The following CSMD1 variants were observed in gnomAD, a reference collection of about 807,000 sequenced individuals.
CSMD1 encodes CUB and Sushi multiple domains 1, also known as CUB and sushi domain-containing protein 1.
A neutral mutation model predicts 417.5 loss-of-function variants in CSMD1; 213 were observed. The ratio of observed to expected loss-of-function variants is 0.51; its 90% CI spans 0.46 to 0.57. CSMD1 has a LOEUF of 0.57. CSMD1 is among the 20% of genes least tolerant of loss of function. The pLI, the probability that CSMD1 is intolerant of heterozygous loss-of-function variation, is 0.00. For missense variants in CSMD1, 6,923 were observed against 4,529.7 expected, an observed-to-expected ratio of 1.53 and a Z score of -15.17; for synonymous variants, 2,862 against 1,736.8, an observed-to-expected ratio of 1.65 and a Z score of -16.11.
At chr8:4,188,429 A>T (rs546198724) in intron 3 of CSMD1, among the ~76,000 whole-genome samples, 1 of 152,192 alleles carries the variant, frequency 6.6e-6, no homozygotes, top group Non-Finnish European at 1.5e-5. Flanking sequence ...TTCGGCAGAT[A>T]CAAGTCCTGA....
chr8:3,438,104 T>C (rs975717574), intron 12 of CSMD1, among the ~76,000 whole-genome samples: 7 of 152,224 alleles, frequency 4.6e-5, no homozygotes, highest in African/African-American at 1.4e-4. Flanking sequence ...GCTATTAAAA[T>C]TATTTGAATA....
In CSMD1 at chr8:4,763,402, C is replaced by G. The variant is rs565277241; in HGVS notation, c.86-125844G>C. On this transcript the variant is annotated intron_variant, in intron 1 of 69. Transcript: ENST00000635120. Reference sequence around the variant, plus strand: ...TAGGTTTTTAGGCAGTTAATTCAGTCTGTGCTGAGAGTAAAATATAGGTCA... The same window carrying G: ...TAGGTTTTTAGGCAGTTAATTCAGTGTGTGCTGAGAGTAAAATATAGGTCA... Among the ~76,000 whole-genome samples, 11 of 152,258 alleles carry G rather than the reference C, an allele frequency of 7.2e-5. No homozygotes were observed. In the South Asian group the frequency reaches 2.1e-3, roughly 29 times the overall value.
intron 3 of CSMD1, among the ~76,000 whole-genome samples, chr8:4,397,282 C>G (rs189390714): frequency 4.5e-4 from 68 of 152,172 alleles, no homozygotes; most frequent in South Asian, 2.3e-3. Context: ...CATTAGTTAC[C>G]TAAGCAGAAC....
At chr8:3,314,299 A>C (rs1279914938) in intron 23 of CSMD1, among the ~76,000 whole-genome samples, 3 of 152,224 alleles carry the variant, frequency 2.0e-5, no homozygotes, top group Admixed American at 1.3e-4. Flanking sequence ...GTTTAATTCT[A>C]CAAAGATATT....
intron 3 of CSMD1, among the ~76,000 whole-genome samples, chr8:4,150,512 G>T (rs952379463): frequency 1.3e-5 from 2 of 152,210 alleles, no homozygotes; most frequent in African/African-American, 4.8e-5. Flanking sequence ...CTAGAAGGCA[G>T]AATTTCTCTT....
intron 3 of CSMD1, among the ~76,000 whole-genome samples, chr8:4,196,770 C>T (rs1421664933): frequency 6.6e-6 from 1 of 152,070 alleles, no homozygotes; most frequent in South Asian, 2.1e-4. Flanking sequence ...TCTGTAAACC[C>T]CTTTTTCCCA....
chr8:4,438,207 G>T (rs1419734494), intron 2 of CSMD1, among the ~76,000 whole-genome samples: 1 of 152,172 alleles, frequency 6.6e-6, no homozygotes, highest in Non-Finnish European at 1.5e-5. Context: ...CGATCTGCAA[G>T]AAACTCCTGA....
At chr8:4,972,154 G>A (rs368407518) in intron 1 of CSMD1, among the ~76,000 whole-genome samples, 1 of 152,112 alleles carries the variant, frequency 6.6e-6, no homozygotes, top group African/African-American at 2.4e-5. Flanking sequence ...AGGTAGAAAT[G>A]AGACCACACA....
At chr8:4,061,035 T>G (rs933925379) in intron 3 of CSMD1, among the ~76,000 whole-genome samples, 1 of 148,620 alleles carries the variant, frequency 6.7e-6, no homozygotes, top group Non-Finnish European at 1.5e-5. Flanking sequence ...CCCATTGTGA[T>G]TAATTTATGA....
chr8:4,785,728 A>T (rs986087696), intron 1 of CSMD1, among the ~76,000 whole-genome samples: 3 of 152,170 alleles, frequency 2.0e-5, no homozygotes, highest in African/African-American at 7.2e-5. Context: ...AATAGAGCAC[A>T]TCTTACTCTC....
At chr8:3,635,426 G>A (rs148767276) in intron 7 of CSMD1, among the ~76,000 whole-genome samples, 2,504 of 151,642 alleles carry the variant, frequency 0.017, 72 homozygotes, top group African/African-American at 0.055. Context: ...GGAGCTTGCA[G>A]TGAGCCGAGA....
rs776967006 is a variant in CSMD1, at chr8:4,994,287, C to T, written c.85+45G>A. ...ACACTCGCGTCCGCACACGGGGCCT[C>T]CGAGGGCTCTACCGCCTCCCCGGCC... is the stretch of plus-strand genomic sequence containing the variant. On this transcript the variant is annotated intron_variant, in intron 1 of 69. Transcript: ENST00000635120. The T allele has an allele frequency of 8.9e-6, 14 of 1,576,738 alleles. No individual in the cohort carries two copies. In the South Asian group the frequency reaches 1.1e-4, roughly 12 times the overall value.
At chr8:4,327,162 A>G (rs1470551787) in intron 3 of CSMD1, among the ~76,000 whole-genome samples, 1 of 152,206 alleles carries the variant, frequency 6.6e-6, no homozygotes, top group Non-Finnish European at 1.5e-5. Flanking sequence ...AACAAATGTT[A>G]GATACATTAT....
chr8:4,408,074 T>C lies in CSMD1; in HGVS notation c.415+11879A>G, dbSNP rs376659732. On this transcript the variant is annotated intron_variant, in intron 3 of 69. Transcript: ENST00000635120. ...GTAGCTTTCCATTCCATTATTCTAA[T>C]ATTTAAAAGCATGCTTCACAAAAAG... 1.8e-4 allele frequency among the ~76,000 whole-genome samples: 28 copies of C among 152,334 alleles called. No individual in the cohort carries two copies. In the South Asian group the frequency reaches 5.6e-3, roughly 30 times the overall value.
intron 3 of CSMD1, among the ~76,000 whole-genome samples, chr8:4,312,430 T>A (rs1020988400): frequency 3.6e-5 from 5 of 139,398 alleles, no homozygotes; most frequent in Non-Finnish European, 7.5e-5. Context: ...TGCGCGTATA[T>A]ATATATGCGT....
chr8:4,295,321 TGCAC>T (rs1797614644), intron 3 of CSMD1, among the ~76,000 whole-genome samples: 10 of 113,508 alleles, frequency 8.8e-5, no homozygotes, highest in African/African-American at 2.7e-4. Flanking sequence ...CTTAAGATTA[TGCAC>T]ATATAATCTT....
At chr8:4,680,704 C>A (rs538215894) in intron 1 of CSMD1, among the ~76,000 whole-genome samples, 1 of 152,018 alleles carries the variant, frequency 6.6e-6, no homozygotes, top group Non-Finnish European at 1.5e-5. Flanking sequence ...CTCAGCCTCC[C>A]GAGTAGCTGG....
In CSMD1 at chr8:4,278,672, G is replaced by A. The variant is rs560414658; in HGVS notation, c.415+141281C>T. Among the ~76,000 whole-genome samples, 92 of 152,152 alleles carry A rather than the reference G, an allele frequency of 6.0e-4. 1 individual carries two copies. The South Asian group carries it at 0.016, about 27-fold the overall frequency. On this transcript the variant is annotated intron_variant, in intron 3 of 69. Coordinates refer to ENST00000635120, the MANE Select transcript of CSMD1 (RefSeq NM_033225.6). ...AAGTGTAGCTTTTTATTAACATACC[G>A]AACAGTCTATAGCCACTTAAATGGC...
At chr8:3,202,904 A>G (rs1797063809) in intron 31 of CSMD1, among the ~76,000 whole-genome samples, 1 of 152,192 alleles carries the variant, frequency 6.6e-6, no homozygotes, top group African/African-American at 2.4e-5. Context: ...TTTTCCCAAT[A>G]GATGAAATGC....
Sources: allele counts gnomAD v4.1 joint callset (sites outside exome capture counted in the v4.1 genomes callset), GRCh38; gene constraint gnomAD v4.1.1; transcripts MANE v1.5; gene names NCBI Gene and HGNC (gene_info 2026-07-23, HGNC 2026-07-21).